Variants in CDH13 observed in about 807,000 individuals in gnomAD.
CDH13 encodes the protein cadherin 13.
CDH13 carries 24 observed loss-of-function variants against 63.8 expected under a neutral mutation model. The ratio of observed to expected loss-of-function variants is 0.38; its 90% CI spans 0.27 to 0.53. The LOEUF (loss-of-function observed/expected upper bound fraction) is 0.53, where lower values mean the gene tolerates loss of function less well. CDH13 is among the 20% of genes least tolerant of loss of function. The pLI is 0.85. For synonymous variants in CDH13, 503 were observed against 355.3 expected, an observed-to-expected ratio of 1.42 and a Z score of -4.67; for missense variants, 1,049 against 903.1, an observed-to-expected ratio of 1.16 and a Z score of -2.07.
At chr16:83,013,407 A>G (rs1914358168) in intron 2 of CDH13, among the ~76,000 whole-genome samples, 1 of 152,206 alleles carries the variant, frequency 6.6e-6, no homozygotes, top group South Asian at 2.1e-4. Context: ...GGCCCACTCT[A>G]GTGAGTTAGC....
intron 5 of CDH13, among the ~76,000 whole-genome samples, chr16:83,321,176 C>G (rs536662002): frequency 6.6e-6 from 1 of 152,230 alleles, no homozygotes; most frequent in Non-Finnish European, 1.5e-5. Context: ...CTGGCAGACA[C>G]AGACATCAAT....
intron 6 of CDH13, among the ~76,000 whole-genome samples, chr16:83,410,088 C>T (rs969964127): frequency 1.6e-4 from 24 of 152,160 alleles, no homozygotes; most frequent in African/African-American, 5.3e-4. Context: ...CTGAGAGTTG[C>T]AAGCACAAAT....
intron 2 of CDH13, among the ~76,000 whole-genome samples, chr16:82,993,814 T>C (rs1911914238): frequency 6.6e-6 from 1 of 152,080 alleles, no homozygotes; most frequent in African/African-American, 2.4e-5. Flanking sequence ...TCCTGAAACG[T>C]CATTTTGACA....
At chr16:82,744,593 A>G (rs930700480) in intron 1 of CDH13, among the ~76,000 whole-genome samples, 2 of 152,064 alleles carry the variant, frequency 1.3e-5, no homozygotes, top group African/African-American at 4.8e-5. Flanking sequence ...ATCCTGTGTT[A>G]TAGCTCCAAG....
intron 5 of CDH13, among the ~76,000 whole-genome samples, chr16:83,324,080 C>G (rs556878923): frequency 2.0e-5 from 3 of 149,802 alleles, no homozygotes; most frequent in Admixed American, 6.6e-5. Context: ...CTCTGTTACC[C>G]AAGCCGGAGT....
At chr16:82,885,862 G>A (rs1398837991) in intron 2 of CDH13, among the ~76,000 whole-genome samples, 1 of 152,058 alleles carries the variant, frequency 6.6e-6, no homozygotes, top group Admixed American at 6.6e-5. Context: ...GTTATGTCAG[G>A]ATTTAATGAT....
chr16:83,714,026 C>G (rs796142600), intron 10 of CDH13, among the ~76,000 whole-genome samples: 9 of 152,222 alleles, frequency 5.9e-5, no homozygotes, highest in African/African-American at 1.9e-4. Context: ...GAGTAGATCT[C>G]TAGCCCACCC....
chr16:83,657,987 C>A (rs1358308461), intron 8 of CDH13, among the ~76,000 whole-genome samples: 1 of 149,114 alleles, frequency 6.7e-6, no homozygotes, highest in Non-Finnish European at 1.5e-5. Flanking sequence ...CCACCAGGTC[C>A]CATATCCTCA....
intron 3 of CDH13, among the ~76,000 whole-genome samples, chr16:83,081,728 C>T (rs571753750): frequency 2.2e-4 from 33 of 151,976 alleles, no homozygotes; most frequent in Non-Finnish European, 3.2e-4. Flanking sequence ...AGAAAGAGCT[C>T]GCAAGGATCA....
intron 3 of CDH13, among the ~76,000 whole-genome samples, chr16:83,115,916 T>G (rs899395095): frequency 1.3e-5 from 2 of 152,236 alleles, no homozygotes; most frequent in African/African-American, 4.8e-5. Flanking sequence ...ACTGTTTGTC[T>G]GTTTGAATGT....
At chr16:83,460,620 CA>C (rs1366433203) in intron 6 of CDH13, among the ~76,000 whole-genome samples, 2 of 151,386 alleles carry the variant, frequency 1.3e-5, no homozygotes, top group Non-Finnish European at 2.9e-5. Context: ...ATATAGAGTT[CA>C]AAAAAACAGG....
intron 1 of CDH13, among the ~76,000 whole-genome samples, chr16:82,678,102 A>T (rs1914135851): frequency 6.6e-6 from 1 of 152,168 alleles, no homozygotes; most frequent in Non-Finnish European, 1.5e-5. Flanking sequence ...TGGCCTCCCA[A>T]GTCCCCATGG....
At chr16:83,494,808 C>T (rs1377276389) in intron 7 of CDH13, among the ~76,000 whole-genome samples, 3 of 152,164 alleles carry the variant, frequency 2.0e-5, no homozygotes, top group Non-Finnish European at 4.4e-5. Context: ...TAAGAGGTAT[C>T]TCATTTGCTG....
intron 3 of CDH13, among the ~76,000 whole-genome samples, chr16:83,062,250 G>A (rs966071970): frequency 6.6e-6 from 1 of 151,794 alleles, no homozygotes; most frequent in Non-Finnish European, 1.5e-5. Context: ...AGTACCCCCT[G>A]TCAGTTTTCT....
At position 83,159,466 on chromosome 16, in the gene CDH13, T is replaced by C. The variant is rs1043863050; in HGVS notation, c.483+33965T>C. On this transcript the variant is annotated intron_variant, in intron 4 of 13. Coordinates refer to ENST00000567109, the MANE Select transcript of CDH13 (RefSeq NM_001257.5). ...CAGTCTTGTGGCGTTTATTCTTTTG[T>C]AACACTGAGCTAAAGTCTCTATGGG... 7.9e-5 allele frequency among the ~76,000 whole-genome samples: 12 copies of C among 152,350 alleles called. 1 individual carries two copies. The South Asian group carries it at 2.1e-3, about 26-fold the overall frequency.
chr16:83,350,252 A>C (rs982024099), intron 6 of CDH13, among the ~76,000 whole-genome samples: 1 of 152,208 alleles, frequency 6.6e-6, no homozygotes, highest in Non-Finnish European at 1.5e-5. Flanking sequence ...AATGGCAGCC[A>C]GGGCAGCTGG....
chr16:83,707,492 T>C (rs567479972), intron 10 of CDH13, among the ~76,000 whole-genome samples: 1 of 152,338 alleles, frequency 6.6e-6, no homozygotes, highest in East Asian at 1.9e-4. Context: ...ATTTGACTTG[T>C]CTTTCTTTTA....
chr16:82,951,493 G>A (rs1057360201), intron 2 of CDH13, among the ~76,000 whole-genome samples: 6 of 152,186 alleles, frequency 3.9e-5, no homozygotes, highest in African/African-American at 7.2e-5. Context: ...CCATGAGGTC[G>A]TTGGGTACGC....
chr16:83,193,052 A>G (rs1420385314), intron 4 of CDH13, among the ~76,000 whole-genome samples: 1 of 151,984 alleles, frequency 6.6e-6, no homozygotes, highest in Admixed American at 6.6e-5. Context: ...CAGATGGCAC[A>G]CTCGGAGTTG....
Sources: gnomAD v4.1 joint callset for allele counts (sites outside exome capture counted in the v4.1 genomes callset) on GRCh38, gnomAD v4.1.1 for gene constraint, MANE v1.5 for transcripts, NCBI Gene and HGNC (gene_info 2026-07-23, HGNC 2026-07-21) for gene names.